PTPRR: variants seen among roughly 807,000 people sequenced by gnomAD.
PTPRR encodes receptor-type tyrosine-protein phosphatase R.
PTPRR carries 38 observed loss-of-function variants against 77.2 expected under a neutral mutation model. The observed-to-expected ratio is 0.49, with a 90% CI of 0.38 to 0.65. The LOEUF (loss-of-function observed/expected upper bound fraction) is 0.65. PTPRR is among the 30% of genes least tolerant of loss of function. The probability of loss-of-function intolerance (pLI) is 0.00; values close to 1 mark genes in which losing one functional copy is unlikely to be tolerated. For missense variants in PTPRR, 744 were observed against 799.2 expected (o/e 0.93, Z 0.83); for synonymous variants, 299 against 283.1 (o/e 1.06, Z -0.57).
Position 70,700,119 on chromosome 12 carries a change from T to C in PTPRR, c.1194+1018A>G, listed in dbSNP as rs190194024. Among the ~76,000 whole-genome samples, 17 of 152,344 alleles carry C rather than the reference T, an allele frequency of 1.1e-4. No homozygotes were observed. The East Asian group carries it at 3.1e-3, about 28-fold the overall frequency. On this transcript the variant is annotated intron_variant, in intron 7 of 13. Transcript: ENST00000283228. ...AAATATGATACACCACAGAGTCTGA[T>C]TTTCATGTTTGTATTTTACTTTGGA...
chr12:70,790,037 T>G (rs935673327), intron 2 of PTPRR, among the ~76,000 whole-genome samples: 10 of 152,198 alleles, frequency 6.6e-5, no homozygotes, highest in African/African-American at 2.2e-4. Flanking sequence ...ATAATTGTTG[T>G]CTAATTCTCC....
chr12:70,808,101 G>A (rs2137027631), intron 2 of PTPRR, among the ~76,000 whole-genome samples: 1 of 152,128 alleles, frequency 6.6e-6, no homozygotes, highest in East Asian at 1.9e-4. Context: ...CTCTGAAATG[G>A]CCACCCTGGG....
At chr12:70,876,699 T>TAA (rs1893057645) in intron 2 of PTPRR, among the ~76,000 whole-genome samples, 1 of 152,228 alleles carries the variant, frequency 6.6e-6, no homozygotes, top group Non-Finnish European at 1.5e-5. Context: ...TCTTCCCTAA[T>TAA]AAATTGGGAG....
chr12:70,818,347 AAAG>A (rs1167190483), intron 2 of PTPRR, among the ~76,000 whole-genome samples: 3 of 152,164 alleles, frequency 2.0e-5, no homozygotes, highest in Non-Finnish European at 2.9e-5. Flanking sequence ...TGAGAAAGAG[AAAG>A]AAGAAGAGAG....
At chr12:70,787,003 A>G (rs946663291) in intron 2 of PTPRR, among the ~76,000 whole-genome samples, 6 of 152,304 alleles carry the variant, frequency 3.9e-5, no homozygotes, top group East Asian at 3.9e-4. Context: ...GAAAAATAAC[A>G]ATAAGCATAT....
chr12:70,650,783 G>A (rs1452357505), intron 13 of PTPRR, among the ~76,000 whole-genome samples: 4 of 152,122 alleles, frequency 2.6e-5, no homozygotes, highest in Non-Finnish European at 5.9e-5. Flanking sequence ...TATTAGGTTG[G>A]TGCAAAAATA....
At chr12:70,821,212 G>GTTTTTTTTTTTTTTTTTTTT (rs1252907478) in intron 2 of PTPRR, among the ~76,000 whole-genome samples, 2 of 44,550 alleles carry the variant, frequency 4.5e-5, no homozygotes, top group East Asian at 1.6e-3. Context: ...AGGGATCACT[G>GTTTTTTTTTTTTTTTTTTTT]CTTTTTTTTT....
intron 1 of PTPRR, among the ~76,000 whole-genome samples, chr12:70,908,648 G>A (rs2137134232): frequency 6.6e-6 from 1 of 152,276 alleles, no homozygotes; most frequent in East Asian, 1.9e-4. Flanking sequence ...TGAGACTTGG[G>A]TGAGGACACA....
At position 70,920,481 on chromosome 12, in the gene PTPRR, T is replaced by C; in HGVS notation, c.-91A>G. ...GAAAGAGCCACCGCCAAGGGTCTTC[T>C]AGTCTCCGGGATTCAGGTCCTCGGC... On this transcript the variant is annotated 5_prime_UTR_variant, in exon 1 of 14. Coordinates refer to ENST00000283228, the MANE Select transcript of PTPRR (RefSeq NM_002849.4). The C allele has an allele frequency of 7.8e-7, 1 of 1,279,690 alleles. No homozygotes were observed. Among genetic ancestry groups the C allele is most frequent in the South Asian group, 1.3e-5 (1 of 79,376 alleles). 79.3% of individuals were successfully genotyped at this position (1,279,690 alleles called of 1,614,324 possible). A position where few individuals can be genotyped will look rare whatever the true frequency, so the allele number is the denominator to read the frequency against.
chr12:70,673,024 G>C, intron 10 of PTPRR: 4 of 1,007,762 alleles, frequency 4.0e-6, no homozygotes, highest in Non-Finnish European at 4.8e-6. Flanking sequence ...AATACGTCGG[G>C]CCAAAGCAAA....
At chr12:70,722,826 C>T (rs911356564) in intron 6 of PTPRR, among the ~76,000 whole-genome samples, 2 of 152,098 alleles carry the variant, frequency 1.3e-5, no homozygotes, top group African/African-American at 2.4e-5. Context: ...GTAAGCCACC[C>T]GCCGTCATAA....
chr12:70,894,018 T>C (rs1333246300), intron 1 of PTPRR, among the ~76,000 whole-genome samples: 3 of 151,810 alleles, frequency 2.0e-5, no homozygotes. Context: ...ATAATACATA[T>C]GAATCAAAAA....
chr12:70,896,136 G>A (rs1391696863), intron 1 of PTPRR, among the ~76,000 whole-genome samples: 1 of 151,390 alleles, frequency 6.6e-6, no homozygotes, highest in Non-Finnish European at 1.5e-5. Flanking sequence ...GATAAAGAGG[G>A]ACATTACATA....
At chr12:70,803,222 C>T (rs1401966009) in intron 2 of PTPRR, among the ~76,000 whole-genome samples, 2 of 152,112 alleles carry the variant, frequency 1.3e-5, no homozygotes, top group African/African-American at 4.8e-5. Flanking sequence ...GGGCATAATA[C>T]AGTAATTCCA....
intron 2 of PTPRR, among the ~76,000 whole-genome samples, chr12:70,766,809 G>A (rs778033391): frequency 5.9e-5 from 9 of 152,082 alleles, no homozygotes; most frequent in African/African-American, 9.7e-5. Context: ...GACTAACAGC[G>A]GATCTCTCAA....
At chr12:70,670,111 G>T (rs556837204) in intron 10 of PTPRR, among the ~76,000 whole-genome samples, 5 of 152,242 alleles carry the variant, frequency 3.3e-5, no homozygotes, top group Non-Finnish European at 7.4e-5. Flanking sequence ...GGCAAAATGG[G>T]GCTTAGAGTA....
chr12:70,674,343 C>T (rs897017730), intron 10 of PTPRR, among the ~76,000 whole-genome samples: 5 of 152,062 alleles, frequency 3.3e-5, no homozygotes. Context: ...AAGTCTGTTG[C>T]TTAGATCACA....
chr12:70,738,808 A>G (rs1889956935), intron 6 of PTPRR, among the ~76,000 whole-genome samples: 1 of 152,256 alleles, frequency 6.6e-6, no homozygotes, highest in African/African-American at 2.4e-5. Context: ...TGTGCCAGCC[A>G]TGTGACATTT....
At chr12:70,741,570 C>T (rs764005658) in intron 6 of PTPRR, among the ~76,000 whole-genome samples, 2 of 152,000 alleles carry the variant, frequency 1.3e-5, no homozygotes, top group African/African-American at 4.8e-5. Context: ...AATCTGAGAG[C>T]AGAAAGCAGG....
Sources: gnomAD v4.1 joint callset for allele counts (sites outside exome capture counted in the v4.1 genomes callset) on GRCh38, gnomAD v4.1.1 for gene constraint, MANE v1.5 for transcripts, NCBI Gene and HGNC (gene_info 2026-07-23, HGNC 2026-07-21) for gene names.